KHDRBS2: variants seen among roughly 807,000 people sequenced by gnomAD.
KHDRBS2 encodes the protein KH RNA binding domain containing, signal transduction associated 2.
In KHDRBS2, 26 loss-of-function variants were observed where a neutral mutation model predicts 44.3. The ratio of observed to expected loss-of-function variants is 0.59; its 90% CI spans 0.43 to 0.81. The LOEUF (loss-of-function observed/expected upper bound fraction) is 0.81. KHDRBS2 is among the 40% of genes least tolerant of loss of function. The pLI is 0.00. For synonymous variants in KHDRBS2, 194 were observed against 151.1 expected, an observed-to-expected ratio of 1.28 and a Z score of -2.08; for missense variants, 476 against 433.1, an observed-to-expected ratio of 1.10 and a Z score of -0.88.
At chr6:61,927,473 G>T (rs952922585) in intron 4 of KHDRBS2, among the ~76,000 whole-genome samples, 3 of 152,048 alleles carry the variant, frequency 2.0e-5, no homozygotes, top group East Asian at 1.9e-4. Context: ...GTGGTGCTTG[G>T]TACCCAAAGT....
chr6:62,077,347 G>T (rs1267542007), intron 2 of KHDRBS2, among the ~76,000 whole-genome samples: 2 of 151,986 alleles, frequency 1.3e-5, no homozygotes, highest in Non-Finnish European at 2.9e-5. Context: ...GAGGGAAGCT[G>T]CCCTTCCCAC....
At chr6:61,882,886 C>A (rs933099790) in intron 6 of KHDRBS2, among the ~76,000 whole-genome samples, 1 of 151,916 alleles carries the variant, frequency 6.6e-6, no homozygotes, top group Non-Finnish European at 1.5e-5. Flanking sequence ...ATTTTCCTTG[C>A]CAGAAAATTA....
At chr6:62,110,314 C>G (rs1294752770) in intron 2 of KHDRBS2, among the ~76,000 whole-genome samples, 1 of 151,968 alleles carries the variant, frequency 6.6e-6, no homozygotes, top group African/African-American at 2.4e-5. Flanking sequence ...TTCAGCCATT[C>G]AAATCATAGT....
At chr6:62,082,699 C>A (rs1179857715) in intron 2 of KHDRBS2, among the ~76,000 whole-genome samples, 1 of 152,084 alleles carries the variant, frequency 6.6e-6, no homozygotes, top group Non-Finnish European at 1.5e-5. Flanking sequence ...CTAAGTGTAG[C>A]CATGTTTCCT....
rs1803956515 is a variant in KHDRBS2 at position 61,901,246 on chromosome 6, T to G, written c.609A>C (p.Ser203=). Residue 203 remains serine, a splice_region_variant and synonymous_variant, in exon 5 of 9, where the codon TCA becomes TCC. Coordinates refer to ENST00000281156, the MANE Select transcript of KHDRBS2 (RefSeq NM_152688.4). Reference sequence around the variant, plus strand: ...ATTTAAAGTAAGAATGAATGTACCTTGAAGGAGCTGTGGGAGCTATTCTGA... The same window carrying G: ...ATTTAAAGTAAGAATGAATGTACCTGGAAGGAGCTGTGGGAGCTATTCTGA... ...RGIRIAPTAP[S]RGRGGAIPPP... 7 of 1,611,732 alleles carry G rather than the reference T, an allele frequency of 4.3e-6. No homozygotes were observed. Among genetic ancestry groups the G allele is most frequent in the Non-Finnish European group, 5.9e-6 (7 of 1,179,214 alleles).
the KHDRBS2 span, among the ~76,000 whole-genome samples, chr6:61,651,446 C>T: frequency 1.3e-5 from 2 of 151,894 alleles, no homozygotes; most frequent in African/African-American, 2.4e-5. Flanking sequence ...TGTTTTGCAC[C>T]TACATTTTGA....
chr6:62,258,335 T>C (rs1837759610), intron 1 of KHDRBS2, among the ~76,000 whole-genome samples: 1 of 152,064 alleles, frequency 6.6e-6, no homozygotes, highest in African/African-American at 2.4e-5. Flanking sequence ...TAATGGTTAA[T>C]ACGGATATTC....
At chr6:61,814,325 T>C (rs940588449) in intron 6 of KHDRBS2, among the ~76,000 whole-genome samples, 4 of 152,106 alleles carry the variant, frequency 2.6e-5, no homozygotes, top group East Asian at 1.9e-4. Flanking sequence ...TTAAAAACTA[T>C]ATGTGGCCGG....
chr6:61,597,272 C>G, the KHDRBS2 span, among the ~76,000 whole-genome samples: 1 of 151,984 alleles, frequency 6.6e-6, no homozygotes, highest in Non-Finnish European at 1.5e-5. Context: ...AGCCAAATGC[C>G]AGAAAGTTGT....
intron 6 of KHDRBS2, among the ~76,000 whole-genome samples, chr6:61,752,012 C>T (rs985742879): frequency 2.0e-5 from 3 of 152,060 alleles, no homozygotes; most frequent in African/African-American, 4.8e-5. Context: ...TAGGGTCCTG[C>T]CTAATGACCC....
At chr6:62,185,571 A>G (rs1823249564) in intron 1 of KHDRBS2, among the ~76,000 whole-genome samples, 1 of 152,034 alleles carries the variant, frequency 6.6e-6, no homozygotes, top group African/African-American at 2.4e-5. Context: ...AATATTAAGT[A>G]TCTTCACAAG....
chr6:62,022,378 A>G (rs780905580), intron 3 of KHDRBS2, among the ~76,000 whole-genome samples: 1 of 151,694 alleles, frequency 6.6e-6, no homozygotes, highest in Non-Finnish European at 1.5e-5. Context: ...GTAGACCTGT[A>G]TGAGTTAACC....
At chr6:62,261,158 A>C (rs1838270332) in intron 1 of KHDRBS2, among the ~76,000 whole-genome samples, 1 of 151,934 alleles carries the variant, frequency 6.6e-6, no homozygotes, top group African/African-American at 2.4e-5. Flanking sequence ...AAATATAGTA[A>C]TTTTACTCCT....
chr6:62,281,521 G>A (rs965468364), intron 1 of KHDRBS2, among the ~76,000 whole-genome samples: 2 of 152,146 alleles, frequency 1.3e-5, no homozygotes, highest in African/African-American at 4.8e-5. Context: ...TTGGGAGGCT[G>A]AGGCAGGAGA....
At chr6:62,099,431 A>G (rs1477949253) in intron 2 of KHDRBS2, among the ~76,000 whole-genome samples, 1 of 152,174 alleles carries the variant, frequency 6.6e-6, no homozygotes, top group Non-Finnish European at 1.5e-5. Context: ...AGGTGTCCTA[A>G]GCCTAGGTTT....
chr6:61,747,802 C>T (rs1777081526), intron 6 of KHDRBS2, among the ~76,000 whole-genome samples: 2 of 152,018 alleles, frequency 1.3e-5, no homozygotes, highest in East Asian at 3.9e-4. Flanking sequence ...CATGAGTTAC[C>T]TTCTAAAATT....
chr6:61,888,040 A>G (rs1298236591), intron 6 of KHDRBS2, among the ~76,000 whole-genome samples: 2 of 152,230 alleles, frequency 1.3e-5, no homozygotes, highest in Admixed American at 1.3e-4. Flanking sequence ...TTTCAAAAAT[A>G]TATCTATATA....
the KHDRBS2 span, among the ~76,000 whole-genome samples, chr6:61,599,434 T>C: frequency 2.0e-5 from 3 of 151,416 alleles, no homozygotes; most frequent in Admixed American, 6.6e-5. Context: ...CATGAGTGGA[T>C]TTTTAAAAGT....
chr6:61,873,644 A>AG (rs1360934863), intron 6 of KHDRBS2, among the ~76,000 whole-genome samples: 3 of 151,480 alleles, frequency 2.0e-5, no homozygotes, highest in East Asian at 3.9e-4. Flanking sequence ...GAAAAAAAAA[A>AG]AGAGAAACTA....
Sources: gnomAD v4.1 joint callset for allele counts (sites outside exome capture counted in the v4.1 genomes callset) on GRCh38, gnomAD v4.1.1 for gene constraint, MANE v1.5 for transcripts, NCBI Gene and HGNC (gene_info 2026-07-23, HGNC 2026-07-21) for gene names.